The following NAV2 variants were observed in gnomAD, a reference collection of about 807,000 sequenced individuals.
The protein encoded by NAV2 is helicase, APC down-regulated 1.
A neutral mutation model predicts 223.2 loss-of-function variants in NAV2; 54 were observed. The ratio of observed to expected loss-of-function variants is 0.24; its 90% CI spans 0.19 to 0.30. NAV2 has a LOEUF of 0.30. NAV2 is among the 10% of genes least tolerant of loss of function. The probability of loss-of-function intolerance (pLI) is 1.00; values close to 1 mark genes in which losing one functional copy is unlikely to be tolerated. For synonymous variants in NAV2, 1,279 were observed against 1,239.3 expected (o/e 1.03, Z -0.67); for missense variants, 2,806 against 3,147.5 (o/e 0.89, Z 2.60).
At chr11:19,403,871 G>T (rs1849783434) in intron 1 of NAV2, among the ~76,000 whole-genome samples, 1 of 117,900 alleles carries the variant, frequency 8.5e-6, no homozygotes, top group Admixed American at 9.0e-5. Context: ...CTAAAATCAG[G>T]ACTCTCTGAT....
Position 19,386,971 on chromosome 11 carries a change from A to G in NAV2, c.75+35944A>G, listed in dbSNP as rs80151014. 2.9e-3 allele frequency among the ~76,000 whole-genome samples: 436 copies of G among 152,250 alleles called. 3 individuals carry two copies. The highest frequency in any genetic ancestry group is 0.01 in the African/African-American group (420 of 41,538). On this transcript the variant is annotated intron_variant, in intron 1 of 37. Transcript: ENST00000360655. ...GGATGGGTGCTGGGAGCTGCTTATC[A>G]AGGCTACACAGGTGGTTACTGCCTG...
chr11:19,644,990 C>T (rs748106693), intron 1 of NAV2, among the ~76,000 whole-genome samples: 2 of 152,046 alleles, frequency 1.3e-5, no homozygotes, highest in Admixed American at 1.3e-4. Flanking sequence ...AGAAGGTGGA[C>T]GTATTAGTTT....
chr11:19,946,477 G>A lies in NAV2; in HGVS notation c.2223G>A (p.Met741Ile), dbSNP rs777098043. 9 of 1,613,570 alleles carry A rather than the reference G, an allele frequency of 5.6e-6. No individual in the cohort carries two copies. In the Admixed American group the frequency reaches 1.0e-4, roughly 18 times the overall value. The change falls in exon 9 of 38, where the codon ATG (methionine) becomes ATA (isoleucine). Residue 741 changes from methionine to isoleucine, a missense_variant. Coordinates refer to ENST00000349880, the MANE Select transcript of NAV2 (RefSeq NM_145117.5). ...ADLRQNLEET[M>I]SSLRGTQVTH... The stretch of plus-strand genomic sequence containing the variant: ...TGCGGCAGAATTTGGAGGAAACCAT[G>A]TCCAGTTTAAGGGGAACTCAGGTTA...
At chr11:19,992,408 C>T (rs956689483) in intron 11 of NAV2, among the ~76,000 whole-genome samples, 17 of 152,162 alleles carry the variant, frequency 1.1e-4, no homozygotes, top group African/African-American at 3.9e-4. Context: ...TGCAGAGTAT[C>T]ATTCTTGTGC....
chr11:19,834,419 T>G (rs978906699), intron 2 of NAV2, among the ~76,000 whole-genome samples: 1 of 152,256 alleles, frequency 6.6e-6, no homozygotes, highest in Non-Finnish European at 1.5e-5. Context: ...ACTCCAGAGA[T>G]GCTTAACTTA....
chr11:19,710,122 G>A (rs2049819971), upstream of NAV2, among the ~76,000 whole-genome samples: 1 of 152,070 alleles, frequency 6.6e-6, no homozygotes, highest in Admixed American at 6.6e-5. Context: ...ACCAAAGATG[G>A]CAAATACATA....
intron 1 of NAV2, among the ~76,000 whole-genome samples, chr11:19,534,994 G>C (rs1242418425): frequency 6.6e-6 from 1 of 152,136 alleles, no homozygotes; most frequent in Non-Finnish European, 1.5e-5. Context: ...TGCAAAATAA[G>C]TCCTTAGCAC....
intron 12 of NAV2, among the ~76,000 whole-genome samples, chr11:20,038,457 C>A (rs185694737): frequency 2.6e-5 from 4 of 152,332 alleles, no homozygotes; most frequent in African/African-American, 9.6e-5. Flanking sequence ...GCAATGGTTT[C>A]TTTAAATGGA....
At chr11:19,882,064 A>T (rs2063248519) in intron 5 of NAV2, among the ~76,000 whole-genome samples, 1 of 152,216 alleles carries the variant, frequency 6.6e-6, no homozygotes, top group African/African-American at 2.4e-5. Flanking sequence ...TTTGGACTCC[A>T]TTCTAAGGGT....
intron 1 of NAV2, among the ~76,000 whole-genome samples, chr11:19,394,363 G>A (rs982555998): frequency 1.3e-5 from 2 of 152,200 alleles, no homozygotes; most frequent in African/African-American, 4.8e-5. Flanking sequence ...AAAAGAGACT[G>A]TTTCCAGGGT....
intron 34 of NAV2, chr11:20,105,076 C>G (rs186817737): frequency 6.5e-6 from 1 of 154,046 alleles, no homozygotes; most frequent in Non-Finnish European, 1.4e-5. Flanking sequence ...CTTTGCCTGT[C>G]TGCCTCCTCC....
At chr11:19,727,169 C>G (rs1351546114) in intron 1 of NAV2, among the ~76,000 whole-genome samples, 1 of 152,210 alleles carries the variant, frequency 6.6e-6, no homozygotes, top group East Asian at 1.9e-4. Flanking sequence ...GGAAGGGAAA[C>G]CCAGTCTTCA....
chr11:19,812,255 C>A (rs759655965), intron 1 of NAV2, among the ~76,000 whole-genome samples: 1 of 151,998 alleles, frequency 6.6e-6, no homozygotes, highest in African/African-American at 2.4e-5. Flanking sequence ...AGAACCACCC[C>A]CTGAGCCTTT....
At chr11:19,424,747 C>T (rs1000958138) in intron 1 of NAV2, among the ~76,000 whole-genome samples, 125 of 152,030 alleles carry the variant, frequency 8.2e-4, no homozygotes, top group African/African-American at 3.0e-3. Flanking sequence ...GATAGGGTTT[C>T]GCCATGTTGG....
intron 4 of NAV2, among the ~76,000 whole-genome samples, chr11:19,873,723 T>C (rs1287124352): frequency 3.3e-5 from 5 of 152,016 alleles, no homozygotes; most frequent in Admixed American, 3.3e-4. Context: ...ATTACCTGAG[T>C]ATGGCATTGA....
chr11:19,497,302 G>A (rs10833126), intron 1 of NAV2, among the ~76,000 whole-genome samples: 4 of 152,330 alleles, frequency 2.6e-5, no homozygotes, highest in East Asian at 3.9e-4. Flanking sequence ...TGTAAGTGCC[G>A]TATAAGAATT....
chr11:20,095,556 A>G (rs1382235946), intron 29 of NAV2, 116 bp from the exon 30 acceptor site: 2 of 713,138 alleles, frequency 2.8e-6, no homozygotes, highest in African/African-American at 3.5e-5. Flanking sequence ...TACAAATAGG[A>G]CTTTTATTCC....
At chr11:19,407,176 A>G (rs113648098) in intron 1 of NAV2, among the ~76,000 whole-genome samples, 1,695 of 152,298 alleles carry the variant, frequency 0.011, 41 homozygotes, top group African/African-American at 0.039. Flanking sequence ...TTTCATAAAT[A>G]GTTTTGAGCA....
chr11:19,665,793 T>A (rs2048394867), intron 1 of NAV2, among the ~76,000 whole-genome samples: 3 of 152,226 alleles, frequency 2.0e-5, no homozygotes, highest in Admixed American at 2.0e-4. Context: ...ACTCTTCTTA[T>A]AAATAACTTT....
Sources: gnomAD v4.1 joint callset for allele counts (sites outside exome capture counted in the v4.1 genomes callset) on GRCh38, gnomAD v4.1.1 for gene constraint, MANE v1.5 for transcripts, NCBI Gene and HGNC (gene_info 2026-07-23, HGNC 2026-07-21) for gene names.